Variants in SYT1 observed in about 807,000 individuals in gnomAD.
SYT1 encodes synaptotagmin-1.
A neutral mutation model predicts 44.8 loss-of-function variants in SYT1; 8 were observed. The observed-to-expected ratio is 0.18, with a 90% CI of 0.10 to 0.32. The LOEUF is 0.32. SYT1 is among the 10% of genes least tolerant of loss of function. The pLI is 1.00. For synonymous variants in SYT1, 154 were observed against 188.8 expected, an observed-to-expected ratio of 0.82 and a Z score of 1.51; for missense variants, 286 against 509.3, an observed-to-expected ratio of 0.56 and a Z score of 4.22.
At chr12:79,349,459 C>G (rs1882792924) in intron 8 of SYT1, among the ~76,000 whole-genome samples, 1 of 152,128 alleles carries the variant, frequency 6.6e-6, no homozygotes, top group Admixed American at 6.5e-5. Flanking sequence ...TCATTCCAGA[C>G]AGCAGTGTAC....
chr12:79,433,528 G>A (rs1010568819), intron 9 of SYT1, among the ~76,000 whole-genome samples: 4 of 151,918 alleles, frequency 2.6e-5, no homozygotes, highest in Middle Eastern at 3.2e-3. Context: ...TTCATCTGAC[G>A]TAAATAAGAG....
At chr12:79,245,754 AG>A (rs1876817023) in intron 4 of SYT1, among the ~76,000 whole-genome samples, 1 of 152,202 alleles carries the variant, frequency 6.6e-6, no homozygotes, top group Admixed American at 6.5e-5. Flanking sequence ...ATCATGTAGT[AG>A]GATAAATATA....
chr12:79,077,468 G>T (rs900333008), intron 3 of SYT1, among the ~76,000 whole-genome samples: 1 of 152,030 alleles, frequency 6.6e-6, no homozygotes. Context: ...TGATGAAATG[G>T]CTCTCTGGCC....
chr12:79,082,444 C>G (rs1382751922), intron 3 of SYT1, among the ~76,000 whole-genome samples: 1 of 152,168 alleles, frequency 6.6e-6, no homozygotes, highest in Non-Finnish European at 1.5e-5. Flanking sequence ...GTACCCTAAG[C>G]ACAAGTATGT....
At chr12:79,392,480 G>A (rs1593027537) in intron 9 of SYT1, 2 of 152,160 alleles carry the variant, frequency 1.3e-5, no homozygotes, top group African/African-American at 4.8e-5. Flanking sequence ...ATGAGGACAG[G>A]AGGATGGAGG....
intron 8 of SYT1, among the ~76,000 whole-genome samples, chr12:79,308,608 AAGAAAAAGAAAGAAAGAAAGAAAG>A (rs1158170162): frequency 5.1e-5 from 3 of 59,056 alleles, no homozygotes; most frequent in African/African-American, 1.9e-4. Flanking sequence ...GAAAGAAAGA[AAGAAAAAGAAAGAAAGAAAGAAAG>A]AAAGAAAGAA....
chr12:78,991,394 G>T (rs1233413978), intron 2 of SYT1, among the ~76,000 whole-genome samples: 1 of 151,928 alleles, frequency 6.6e-6, no homozygotes, highest in Non-Finnish European at 1.5e-5. Flanking sequence ...TAGAAAATTT[G>T]TAATAAAACA....
chr12:79,251,025 G>C (rs111669306), intron 4 of SYT1, among the ~76,000 whole-genome samples: 1 of 152,036 alleles, frequency 6.6e-6, no homozygotes, highest in Admixed American at 6.6e-5. Context: ...ACTCAATGTG[G>C]AAATACATCA....
chr12:79,090,333 T>C (rs978715767), intron 3 of SYT1, among the ~76,000 whole-genome samples: 1 of 151,992 alleles, frequency 6.6e-6, no homozygotes, highest in Non-Finnish European at 1.5e-5. Context: ...AACTTTTTTC[T>C]CCAGTCCCAC....
intron 5 of SYT1, among the ~76,000 whole-genome samples, chr12:79,286,615 C>T (rs1879327224): frequency 6.6e-6 from 1 of 152,128 alleles, no homozygotes. Context: ...AACCATAACA[C>T]TGGTTATAAA....
intron 1 of SYT1, among the ~76,000 whole-genome samples, chr12:78,910,898 C>A (rs1031385342): frequency 1.3e-5 from 2 of 151,796 alleles, no homozygotes; most frequent in Non-Finnish European, 2.9e-5. Flanking sequence ...AGAGGGCAGA[C>A]AAGAGAATGA....
chr12:78,913,679 T>C (rs192693838), intron 1 of SYT1, among the ~76,000 whole-genome samples: 33 of 152,000 alleles, frequency 2.2e-4, no homozygotes, highest in African/African-American at 6.5e-4. Flanking sequence ...ATAATCAGAT[T>C]CTTTACAACT....
At chr12:79,133,504 T>C (rs1868987300) in intron 3 of SYT1, among the ~76,000 whole-genome samples, 1 of 152,158 alleles carries the variant, frequency 6.6e-6, no homozygotes, top group African/African-American at 2.4e-5. Context: ...TATCAAAATA[T>C]CACCTATACC....
intron 3 of SYT1, among the ~76,000 whole-genome samples, chr12:79,048,342 A>AT (rs953437557): frequency 6.6e-6 from 1 of 151,826 alleles, no homozygotes; most frequent in African/African-American, 2.4e-5. Flanking sequence ...GCATAATAAC[A>AT]TTTTTTAGCC....
At chr12:78,887,971 TC>T (rs1874839063) in intron 1 of SYT1, among the ~76,000 whole-genome samples, 1 of 151,950 alleles carries the variant, frequency 6.6e-6, no homozygotes, top group Non-Finnish European at 1.5e-5. Context: ...AGAGGACTGC[TC>T]AAATTTTGTG....
chr12:79,232,639 C>T (rs1461478311), intron 4 of SYT1, among the ~76,000 whole-genome samples: 4 of 152,106 alleles, frequency 2.6e-5, no homozygotes, highest in East Asian at 1.9e-4. Context: ...ATTCTCCCTC[C>T]ATAACAAGTT....
At chr12:79,270,904 G>A (rs1271145570) in intron 4 of SYT1, among the ~76,000 whole-genome samples, 1 of 152,172 alleles carries the variant, frequency 6.6e-6, no homozygotes, top group Non-Finnish European at 1.5e-5. Flanking sequence ...GCATTTTAGG[G>A]ACTGCAAAAA....
intron 6 of SYT1, among the ~76,000 whole-genome samples, chr12:79,295,113 A>G (rs1330518925): frequency 6.6e-6 from 1 of 152,136 alleles, no homozygotes; most frequent in South Asian, 2.1e-4. Context: ...GTAAAAACCT[A>G]TGGTGTTACT....
intron 4 of SYT1, among the ~76,000 whole-genome samples, chr12:79,243,187 G>A (rs1876616131): frequency 6.6e-6 from 1 of 152,190 alleles, no homozygotes. Flanking sequence ...GATTATGGGA[G>A]CTACAATTCA....
Sources: allele counts gnomAD v4.1 joint callset (sites outside exome capture counted in the v4.1 genomes callset), GRCh38; gene constraint gnomAD v4.1.1; transcripts MANE v1.5; gene names NCBI Gene and HGNC (gene_info 2026-07-23, HGNC 2026-07-21).